Variants in RAI14 observed in about 807,000 individuals in gnomAD.
RAI14 encodes the protein retinoic acid induced 14.
Under a neutral mutation model 115.4 loss-of-function variants are expected in RAI14, and 45 were observed. The ratio of observed to expected loss-of-function variants is 0.39; its 90% confidence interval spans 0.31 to 0.50. The LOEUF (loss-of-function observed/expected upper bound fraction) is 0.50, where lower values mean the gene tolerates loss of function less well. Among genes scored for constraint, RAI14 ranks in the 20% least tolerant of loss-of-function variants. RAI14 has a pLI of 0.85. For missense variants in RAI14, 939 were observed against 1,131.2 expected (o/e 0.83, Z 2.44); for synonymous variants, 371 against 415.4 (o/e 0.89, Z 1.30).
intron 2 of RAI14, among the ~76,000 whole-genome samples, chr5:34,712,378 A>C (rs1203602930): frequency 2.0e-5 from 3 of 152,146 alleles, no homozygotes; most frequent in East Asian, 1.9e-4. Flanking sequence ...AACAAGTCTC[A>C]ATGGGAGGAA....
At chr5:34,744,467 C>G (rs1009400696) in intron 2 of RAI14, among the ~76,000 whole-genome samples, 1 of 152,176 alleles carries the variant, frequency 6.6e-6, no homozygotes, top group African/African-American at 2.4e-5. Context: ...TTGATACCAG[C>G]AGACTGAGGT....
At chr5:34,664,414 CAAAA>C (rs11311801) in intron 1 of RAI14, among the ~76,000 whole-genome samples, 2 of 108,406 alleles carry the variant, frequency 1.8e-5, no homozygotes, top group Non-Finnish European at 1.8e-5. Flanking sequence ...GACACTGTCT[CAAAA>C]AAAAAAAAAA....
At chr5:34,746,521 C>G (rs751756028) in intron 2 of RAI14, among the ~76,000 whole-genome samples, 4 of 151,658 alleles carry the variant, frequency 2.6e-5, no homozygotes, top group Non-Finnish European at 4.4e-5. Flanking sequence ...TCTCCTGCCT[C>G]CGCCTCCCGA....
chr5:34,701,097 A>T (rs1740002401), intron 2 of RAI14, among the ~76,000 whole-genome samples: 1 of 152,100 alleles, frequency 6.6e-6, no homozygotes, highest in Non-Finnish European at 1.5e-5. Flanking sequence ...CGAAACTCTG[A>T]TTTTTTTATC....
At chr5:34,698,158 CCT>C (rs1198466073) in intron 2 of RAI14, among the ~76,000 whole-genome samples, 1 of 42,960 alleles carries the variant, frequency 2.3e-5, no homozygotes, top group East Asian at 7.4e-4. Flanking sequence ...TGCCTCCCTT[CCT>C]CCCTCCCCTC....
At chr5:34,737,426 C>G (rs1369399075) in intron 2 of RAI14, among the ~76,000 whole-genome samples, 1 of 152,012 alleles carries the variant, frequency 6.6e-6, no homozygotes, top group Non-Finnish European at 1.5e-5. Context: ...GAATTACTAC[C>G]TGTTACTCAT....
intron 4 of RAI14, among the ~76,000 whole-genome samples, chr5:34,799,493 G>GACACACACAC (rs780186006): frequency 0.015 from 1,907 of 124,000 alleles, 44 homozygotes; most frequent in Non-Finnish European, 0.023. Context: ...CACACACACA[G>GACACACACAC]ACACACACAC....
At chr5:34,663,927 T>C (rs1742903805) in intron 1 of RAI14, among the ~76,000 whole-genome samples, 1 of 152,246 alleles carries the variant, frequency 6.6e-6, no homozygotes, top group Admixed American at 6.5e-5. Context: ...TCACCTCATC[T>C]AACCTTACTT....
At chr5:34,784,962 G>A (rs1194237425) in intron 3 of RAI14, among the ~76,000 whole-genome samples, 2 of 152,140 alleles carry the variant, frequency 1.3e-5, no homozygotes, top group African/African-American at 4.8e-5. Context: ...ACTTTCTGTG[G>A]CACAATTGTA....
Position 34,811,768 on chromosome 5 carries a change from A to G in RAI14, c.559A>G (p.Thr187Ala). Residue 187 changes from threonine (T) to alanine (A), a missense_variant and splice_region_variant, in exon 9 of 18, where the codon ACT (threonine) becomes GCT (alanine). Thr to Ala is a moderately conservative substitution (Grantham distance 58). Coordinates refer to ENST00000265109, the MANE Select transcript of RAI14 (RefSeq NM_015577.3). Reference protein sequence around the residue: ...DVNSRNKSGRTALMLACEIGS... With the variant: ...DVNSRNKSGRAALMLACEIGS... ...TTTTGTGTCTCTTTTTTCCTTTAGA[A>G]CTGCTCTCATGCTGGCCTGTGAGAT... The G allele has an allele frequency of 6.2e-7, 1 of 1,610,420 alleles. No individual in the cohort carries two copies. Among genetic ancestry groups the G allele is most frequent in the Non-Finnish European group, 8.5e-7 (1 of 1,179,088 alleles).
intron 7 of RAI14, among the ~76,000 whole-genome samples, chr5:34,809,712 G>T (rs977960448): frequency 6.6e-6 from 1 of 150,944 alleles, no homozygotes; most frequent in Non-Finnish European, 1.5e-5. Context: ...TTATTTCTAC[G>T]GCTATACATG....
chr5:34,787,822 A>C (rs1052930122), intron 3 of RAI14, among the ~76,000 whole-genome samples: 1 of 145,954 alleles, frequency 6.9e-6, no homozygotes, highest in Non-Finnish European at 1.5e-5. Flanking sequence ...TTGTTTTTAT[A>C]GAATTATGTT....
At chr5:34,749,033 G>A (rs899998437) in intron 2 of RAI14, among the ~76,000 whole-genome samples, 1 of 152,140 alleles carries the variant, frequency 6.6e-6, no homozygotes, top group Non-Finnish European at 1.5e-5. Context: ...AAGCTTGCCT[G>A]TTCCTTGTAC....
chr5:34,799,780 C>T (rs992065383), intron 4 of RAI14, among the ~76,000 whole-genome samples: 2 of 150,296 alleles, frequency 1.3e-5, no homozygotes, highest in Non-Finnish European at 1.5e-5. Flanking sequence ...CTCCGCCTCC[C>T]GGGTTCACGC....
chr5:34,668,921 A>T (rs1743418904), intron 1 of RAI14, among the ~76,000 whole-genome samples: 1 of 152,030 alleles, frequency 6.6e-6, no homozygotes, highest in Non-Finnish European at 1.5e-5. Flanking sequence ...CAATGGCATC[A>T]TCTCGGCTCA....
At chr5:34,820,972 G>A (rs1756762489) in intron 13 of RAI14, among the ~76,000 whole-genome samples, 1 of 152,312 alleles carries the variant, frequency 6.6e-6, no homozygotes, top group South Asian at 2.1e-4. Context: ...GATTCTGCAG[G>A]GCAATCCTGT....
At position 34,812,218 on chromosome 5, in the gene RAI14, T is replaced by C; in HGVS notation, c.765+10T>C. On this transcript the variant is annotated intron_variant, in intron 10 of 17. Coordinates refer to ENST00000265109, the MANE Select transcript of RAI14 (RefSeq NM_015577.3). ...AACAAAACCAAAGCAGGTATTTATC[T>C]TTGGGGGAGGCTTCTATGTTTCATT... is the stretch of plus-strand genomic sequence containing the variant. 1 of 1,578,908 alleles carries C rather than the reference T, an allele frequency of 6.3e-7. No homozygotes were observed.
Position 34,830,792 on chromosome 5 carries a change from C to T in RAI14, c.*27C>T, listed in dbSNP as rs775634572. The T allele has an allele frequency of 1.2e-5, 19 of 1,613,218 alleles. No individual in the cohort carries two copies. Among genetic ancestry groups the T allele is most frequent in the African/African-American group, 2.7e-5 (2 of 74,922 alleles). On this transcript the variant is annotated 3_prime_UTR_variant, in exon 18 of 18. Coordinates refer to ENST00000265109, the MANE Select transcript of RAI14 (RefSeq NM_015577.3). The stretch of plus-strand genomic sequence containing the variant: ...GTGGATTCCTTGGCAGGACACTGCC[C>T]CTTGTCATCTGTCTTTGTGTTAGAT...
intron 2 of RAI14, among the ~76,000 whole-genome samples, chr5:34,712,961 G>T (rs1030457264): frequency 3.9e-5 from 6 of 152,086 alleles, no homozygotes; most frequent in Admixed American, 1.3e-4. Context: ...AAAGATGTAA[G>T]AATACATATT....
Sources: gnomAD v4.1 joint callset for allele counts (sites outside exome capture counted in the v4.1 genomes callset) on GRCh38, gnomAD v4.1.1 for gene constraint, MANE v1.5 for transcripts, NCBI Gene and HGNC (gene_info 2026-07-23, HGNC 2026-07-21) for gene names.